The following FRMPD1 variants were observed in gnomAD, a reference collection of about 807,000 sequenced individuals.
The protein encoded by FRMPD1 is FERM and PDZ domain-containing protein 1.
FRMPD1 carries 76 observed loss-of-function variants against 117.8 expected under a neutral mutation model. The ratio of observed to expected loss-of-function variants is 0.65; its 90% CI spans 0.54 to 0.78. The LOEUF (loss-of-function observed/expected upper bound fraction) is 0.78. Ranked by LOEUF, FRMPD1 falls within the 30% of genes least tolerant of loss-of-function variation. The pLI is 0.00. For synonymous variants in FRMPD1, 783 were observed against 770.4 expected (o/e 1.02, Z -0.27); for missense variants, 1,786 against 1,964.5 (o/e 0.91, Z 1.72).
the FRMPD1 span, among the ~76,000 whole-genome samples, chr9:37,632,388 C>T: frequency 2.6e-5 from 4 of 152,124 alleles, no homozygotes; most frequent in Admixed American, 6.5e-5. Context: ...TTATTTTAAA[C>T]AAAAATGGAA....
intron 4 of FRMPD1, among the ~76,000 whole-genome samples, chr9:37,709,336 G>A (rs1822825414): frequency 7.0e-6 from 1 of 143,536 alleles, no homozygotes. Flanking sequence ...TCTGGCTTTG[G>A]GGTGGTATTA....
At chr9:37,688,357 AT>A (rs1822019223) in intron 1 of FRMPD1, among the ~76,000 whole-genome samples, 1 of 151,828 alleles carries the variant, frequency 6.6e-6, no homozygotes, top group Non-Finnish European at 1.5e-5. Flanking sequence ...TGTCTTCTGT[AT>A]TTTTCAAAAT....
At position 37,740,028 on chromosome 9, in the gene FRMPD1, ATAGG is replaced by A. The variant is rs1406932530; in HGVS notation, c.1550-45_1550-42del. The A allele has an allele frequency of 1.5e-5, 20 of 1,349,004 alleles. No homozygotes were observed. Among genetic ancestry groups the A allele is most frequent in the Non-Finnish European group, 2.0e-5 (19 of 974,178 alleles). The allele number at this position is 1,349,004 out of a possible 1,614,324, so 83.6% of individuals were successfully genotyped here. A position where few individuals can be genotyped will look rare whatever the true frequency, so the allele number is the denominator to read the frequency against. On this transcript the variant is annotated intron_variant, in intron 14 of 15. Coordinates refer to ENST00000377765, the MANE Select transcript of FRMPD1 (RefSeq NM_014907.3). This position sits in a 1 kb window ranked among gnomAD's most constrained non-coding sequence, Gnocchi z 4.2. The stretch of plus-strand genomic sequence containing the variant: ...GGGGGTCAGGGGGCTAGAAGGACAC[ATAGG>A]TAGGAGAATTCTGTTGTGTAACTGT...
chr9:37,735,707 C>T lies in FRMPD1; in HGVS notation c.1374C>T (p.Val458=), dbSNP rs766386234. 2.7e-5 allele frequency: 43 copies of T among 1,613,482 alleles called. No homozygotes were observed. The highest frequency in any genetic ancestry group is 9.3e-6 in the Non-Finnish European group (11 of 1,179,674). Residue 458 remains valine, a synonymous_variant, in exon 13 of 16, where the codon GTC becomes GTT. Coordinates refer to ENST00000377765, the MANE Select transcript of FRMPD1 (RefSeq NM_014907.3). ...ELTEESEKVS[V]VKVYLQDVKV... is the part of the protein sequence containing the mutation. ...CGGAAGAGTCTGAGAAAGTGAGCGTCGTCAAAGTGTATCTTCAGGACGTCA... is the reference window on the plus strand; with the variant it reads ...CGGAAGAGTCTGAGAAAGTGAGCGTTGTCAAAGTGTATCTTCAGGACGTCA...
chr9:37,655,180 T>A (rs2119363690), intron 1 of FRMPD1, among the ~76,000 whole-genome samples: 1 of 152,288 alleles, frequency 6.6e-6, no homozygotes, highest in South Asian at 2.1e-4. Flanking sequence ...GCCTTCTCCC[T>A]TGTTCCCTCC....
intron 7 of FRMPD1, among the ~76,000 whole-genome samples, chr9:37,726,438 C>T (rs930114679): frequency 4.6e-5 from 7 of 152,132 alleles, no homozygotes; most frequent in Admixed American, 4.6e-4. Flanking sequence ...TGGCTCATGC[C>T]TGTAATCCCA....
At chr9:37,716,631 C>T (rs1219857578) in intron 5 of FRMPD1, among the ~76,000 whole-genome samples, 1 of 152,212 alleles carries the variant, frequency 6.6e-6, no homozygotes, top group Non-Finnish European at 1.5e-5. Flanking sequence ...CTCTCTGCAT[C>T]TCTCCTCTGT....
chr9:37,687,066 G>A (rs1219240417), intron 1 of FRMPD1, among the ~76,000 whole-genome samples: 3 of 152,130 alleles, frequency 2.0e-5, no homozygotes, highest in African/African-American at 4.8e-5. Context: ...GTCCCTCTAC[G>A]TCATCCTCGT....
intron 2 of FRMPD1, among the ~76,000 whole-genome samples, chr9:37,706,486 GA>G (rs1251477521): frequency 2.6e-5 from 4 of 152,126 alleles, no homozygotes; most frequent in African/African-American, 9.7e-5. Flanking sequence ...TGTTCATAAT[GA>G]CAATAAACAC....
chr9:37,644,996 C>T, the FRMPD1 span, among the ~76,000 whole-genome samples: 1 of 151,354 alleles, frequency 6.6e-6, no homozygotes, highest in Admixed American at 6.6e-5. Context: ...GGGAAGTGGC[C>T]AGATGTAGTT....
At chr9:37,695,110 A>G (rs909957032) in intron 2 of FRMPD1, among the ~76,000 whole-genome samples, 1 of 152,208 alleles carries the variant, frequency 6.6e-6, no homozygotes, top group Non-Finnish European at 1.5e-5. Context: ...TAATGCTGCT[A>G]TGAACAATTG....
At chr9:37,629,185 C>G in the FRMPD1 span, among the ~76,000 whole-genome samples, 2 of 149,740 alleles carry the variant, frequency 1.3e-5, no homozygotes, top group East Asian at 3.9e-4. Context: ...GGTGATAGAG[C>G]GAGACTCCAT....
chr9:37,643,662 G>A, the FRMPD1 span, among the ~76,000 whole-genome samples: 5 of 151,968 alleles, frequency 3.3e-5, no homozygotes, highest in African/African-American at 1.2e-4. Flanking sequence ...ATTTGTCTTG[G>A]TTGTGCTCCT....
At chr9:37,608,430 T>TAAATCCTTCCTTC in the FRMPD1 span, among the ~76,000 whole-genome samples, 1 of 151,718 alleles carries the variant, frequency 6.6e-6, no homozygotes, top group African/African-American at 2.4e-5. Flanking sequence ...TTCCTTCCTT[T>TAAATCCTTCCTTC]ACATCCTTCC....
At chr9:37,687,113 C>T (rs550986528) in intron 1 of FRMPD1, among the ~76,000 whole-genome samples, 2 of 152,312 alleles carry the variant, frequency 1.3e-5, no homozygotes, top group Admixed American at 1.3e-4. Flanking sequence ...TATGCAGGCT[C>T]CCCTGGAATA....
intron 1 of FRMPD1, among the ~76,000 whole-genome samples, chr9:37,662,936 A>G (rs1378110785): frequency 1.3e-5 from 2 of 152,212 alleles, no homozygotes; most frequent in Non-Finnish European, 1.5e-5. Context: ...ATCTTTTGCC[A>G]TGATTGTGTT....
At chr9:37,702,685 G>A (rs1397464666) in intron 2 of FRMPD1, among the ~76,000 whole-genome samples, 1 of 152,230 alleles carries the variant, frequency 6.6e-6, no homozygotes, top group Non-Finnish European at 1.5e-5. Flanking sequence ...ACAGGTCCAC[G>A]AAGGCAAGGT....
At chr9:37,704,172 G>A (rs12379335) in intron 2 of FRMPD1, among the ~76,000 whole-genome samples, 3 of 152,062 alleles carry the variant, frequency 2.0e-5, no homozygotes, top group African/African-American at 7.2e-5. Context: ...TGAAAGGAGT[G>A]CTTACTTTTC....
chr9:37,645,125 G>T, the FRMPD1 span, among the ~76,000 whole-genome samples: 1 of 150,976 alleles, frequency 6.6e-6, no homozygotes, highest in Non-Finnish European at 1.5e-5. Flanking sequence ...GAGAGAGAGA[G>T]AATTTTACAA....
Sources: gnomAD v4.1 joint callset for allele counts (sites outside exome capture counted in the v4.1 genomes callset) on GRCh38, gnomAD v4.1.1 for gene constraint, Gnocchi (gnomAD v3.1) non-coding constraint, MANE v1.5 for transcripts, NCBI Gene and HGNC (gene_info 2026-07-23, HGNC 2026-07-21) for gene names.